NXPH1: variants seen among roughly 807,000 people sequenced by gnomAD.
NXPH1 encodes neurexophilin 1.
NXPH1 carries 5 observed loss-of-function variants against 23.7 expected under a neutral mutation model. The observed-to-expected ratio is 0.21, with a 90% CI of 0.11 to 0.44. The LOEUF is 0.44. NXPH1 is among the 20% of genes least tolerant of loss of function. The pLI is 0.99. For missense variants in NXPH1, 324 were observed against 321.6 expected (o/e 1.01, Z -0.06); for synonymous variants, 144 against 122.2 (o/e 1.18, Z -1.18).
chr7:8,680,771 A>G (rs918817370), intron 2 of NXPH1, among the ~76,000 whole-genome samples: 18 of 152,244 alleles, frequency 1.2e-4, no homozygotes, highest in African/African-American at 4.3e-4. Context: ...TGGAGCTGCC[A>G]GTGCTAATGA....
In NXPH1 at chr7:8,554,401, C is replaced by T. The variant is rs931670541; in HGVS notation, c.54+118634C>T. Among the ~76,000 whole-genome samples, 8 of 151,642 alleles carry T rather than the reference C, an allele frequency of 5.3e-5. No homozygotes were observed. In the Middle Eastern group the frequency reaches 0.01, roughly 193 times the overall value. ...CTCACATCCATCAGAATGAGCCGGT[C>T]GGTGCTCTTAGGATTTGAAACTGAG... On this transcript the variant is annotated intron_variant, in intron 2 of 2. Transcript: ENST00000405863.
At chr7:8,598,714 A>G (rs1218011044) in intron 2 of NXPH1, among the ~76,000 whole-genome samples, 2 of 152,264 alleles carry the variant, frequency 1.3e-5, no homozygotes, top group South Asian at 2.1e-4. Context: ...CTCTGTTATT[A>G]TTGTCATGAT....
At chr7:8,600,174 A>T (rs1374028502) in intron 2 of NXPH1, among the ~76,000 whole-genome samples, 1 of 151,592 alleles carries the variant, frequency 6.6e-6, no homozygotes, top group Non-Finnish European at 1.5e-5. Flanking sequence ...TTGGGTATAT[A>T]CTCGTTCTGG....
In NXPH1 at chr7:8,607,529, G is replaced by A. The variant is rs562926033; in HGVS notation, c.55-143479G>A. On this transcript the variant is annotated intron_variant, in intron 2 of 2. Transcript: ENST00000405863. ...TTGGCTATTAATGCAACAGACTTCTGTACTTAGAAGAACTGCCTAAGAAGA... is the reference window on the plus strand; with the variant it reads ...TTGGCTATTAATGCAACAGACTTCTATACTTAGAAGAACTGCCTAAGAAGA... Among the ~76,000 whole-genome samples, 5 of 152,248 alleles carry A rather than the reference G, an allele frequency of 3.3e-5. No individual in the cohort carries two copies. In the South Asian group the frequency reaches 8.3e-4, roughly 25 times the overall value.
chr7:8,721,637 G>T (rs1779972075), intron 2 of NXPH1, among the ~76,000 whole-genome samples: 1 of 152,150 alleles, frequency 6.6e-6, no homozygotes, highest in Admixed American at 6.5e-5. Flanking sequence ...AATTAGCTGG[G>T]CGTGGTGGCG....
At chr7:8,620,984 G>C (rs565058264) in intron 2 of NXPH1, among the ~76,000 whole-genome samples, 1 of 152,238 alleles carries the variant, frequency 6.6e-6, no homozygotes, top group African/African-American at 2.4e-5. Flanking sequence ...TTTTGTCATA[G>C]TCAGTTGCCT....
intron 2 of NXPH1, among the ~76,000 whole-genome samples, chr7:8,520,353 G>T (rs1817749638): frequency 6.6e-6 from 1 of 152,164 alleles, no homozygotes; most frequent in Admixed American, 6.5e-5. Context: ...AAGCATTCTT[G>T]TTCTATGATT....
intron 2 of NXPH1, among the ~76,000 whole-genome samples, chr7:8,630,066 A>G (rs989727057): frequency 6.6e-5 from 10 of 152,112 alleles, no homozygotes; most frequent in Non-Finnish European, 1.3e-4. Context: ...AGAAAAAAGC[A>G]TACTATTAAT....
chr7:8,630,659 T>G (rs1359003353), intron 2 of NXPH1, among the ~76,000 whole-genome samples: 1 of 152,200 alleles, frequency 6.6e-6, no homozygotes, highest in Non-Finnish European at 1.5e-5. Flanking sequence ...TCTTGAGTTT[T>G]TCAGTTCTCT....
Position 8,634,665 on chromosome 7 carries a change from GTTT to G in NXPH1, c.55-116315_55-116313del, listed in dbSNP as rs144810873. Among the ~76,000 whole-genome samples the G allele has an allele frequency of 5.1e-3, 491 of 95,468 alleles. 1 individual carries two copies. Among genetic ancestry groups the G allele is most frequent in the South Asian group, 0.018 (38 of 2,162 alleles). 62.6% of individuals were successfully genotyped at this position (95,468 alleles called of 152,430 possible). A position where few individuals can be genotyped will look rare whatever the true frequency, so the allele number is the denominator to read the frequency against. On this transcript the variant is annotated intron_variant, in intron 2 of 2. Transcript: ENST00000405863. ...TGCATGGTAGAGATTGTCCAGAAGAGTTTTTTTTTTTTTTTTTTTTTTTTTTTT... is the reference window on the plus strand; with the variant it reads ...TGCATGGTAGAGATTGTCCAGAAGAGTTTTTTTTTTTTTTTTTTTTTTTTT...
At chr7:8,583,515 T>C (rs1304721790) in intron 2 of NXPH1, among the ~76,000 whole-genome samples, 1 of 152,102 alleles carries the variant, frequency 6.6e-6, no homozygotes, top group Non-Finnish European at 1.5e-5. Flanking sequence ...TTGCTATCAT[T>C]ATTATTATTA....
intron 2 of NXPH1, among the ~76,000 whole-genome samples, chr7:8,592,841 T>A (rs1583178052): frequency 6.6e-6 from 1 of 151,468 alleles, no homozygotes; most frequent in Non-Finnish European, 1.5e-5. Context: ...TTTTTTTTTT[T>A]AAATGTTCCA....
At chr7:8,745,503 T>TA (rs1472464506) in intron 2 of NXPH1, among the ~76,000 whole-genome samples, 155 of 149,560 alleles carry the variant, frequency 1.0e-3, no homozygotes, top group African/African-American at 3.7e-3. Flanking sequence ...TAGAGAATAA[T>TA]AAGTTTTTTT....
chr7:8,673,659 T>TTG (rs545444453), intron 2 of NXPH1, among the ~76,000 whole-genome samples: 473 of 152,122 alleles, frequency 3.1e-3, no homozygotes, highest in Admixed American at 5.9e-3. Context: ...CTTACATAGT[T>TTG]TGTGTGTGTG....
At chr7:8,507,377 A>G (rs17150003) in intron 2 of NXPH1, among the ~76,000 whole-genome samples, 34,970 of 151,388 alleles carry the variant, frequency 0.23, 4,361 homozygotes, top group East Asian at 0.32. Flanking sequence ...GATAGCCACT[A>G]TGATGATGGT....
intron 2 of NXPH1, among the ~76,000 whole-genome samples, chr7:8,474,379 A>G (rs1177694301): frequency 6.6e-6 from 1 of 152,146 alleles, no homozygotes; most frequent in Admixed American, 6.6e-5. Flanking sequence ...TTTTATATAT[A>G]GTACCAAATT....
At chr7:8,468,807 G>C (rs113753786) in intron 2 of NXPH1, among the ~76,000 whole-genome samples, 14 of 152,130 alleles carry the variant, frequency 9.2e-5, no homozygotes, top group African/African-American at 3.4e-4. Flanking sequence ...GACTATTCTA[G>C]TTGTGCTAGT....
chr7:8,640,695 C>T (rs902108699), intron 2 of NXPH1, among the ~76,000 whole-genome samples: 2 of 152,096 alleles, frequency 1.3e-5, no homozygotes, highest in Non-Finnish European at 2.9e-5. Context: ...GGTAGCCACA[C>T]CTGTAATGTT....
intron 2 of NXPH1, among the ~76,000 whole-genome samples, chr7:8,706,042 A>G (rs1583238785): frequency 6.6e-6 from 1 of 152,168 alleles, no homozygotes; most frequent in South Asian, 2.1e-4. Context: ...ATAATATTTG[A>G]TGTATCTGGA....
Sources: gnomAD v4.1 joint callset for allele counts (sites outside exome capture counted in the v4.1 genomes callset) on GRCh38, gnomAD v4.1.1 for gene constraint, MANE v1.5 for transcripts, NCBI Gene and HGNC (gene_info 2026-07-23, HGNC 2026-07-21) for gene names.